The following KCNQ5 variants were observed in gnomAD, a reference collection of about 807,000 sequenced individuals.
KCNQ5 encodes the protein potassium voltage-gated channel subfamily Q member 5.
KCNQ5 carries 30 observed loss-of-function variants against 98.2 expected under a neutral mutation model. The observed-to-expected ratio is 0.31, with a 90% CI of 0.23 to 0.41. The LOEUF (loss-of-function observed/expected upper bound fraction) is 0.41. KCNQ5 is among the 10% of genes least tolerant of loss of function. The probability of loss-of-function intolerance (pLI) is 1.00; values close to 1 mark genes in which losing one functional copy is unlikely to be tolerated. For synonymous variants in KCNQ5, 458 were observed against 449.4 expected (o/e 1.02, Z -0.24); for missense variants, 835 against 1,182.5 (o/e 0.71, Z 4.31).
chr6:72,697,001 T>C (rs13207968), intron 1 of KCNQ5, among the ~76,000 whole-genome samples: 1 of 152,204 alleles, frequency 6.6e-6, no homozygotes, highest in Non-Finnish European at 1.5e-5. Context: ...TTATTTGAGG[T>C]CAATCGCGGT....
intron 1 of KCNQ5, among the ~76,000 whole-genome samples, chr6:72,919,795 G>C (rs759774651): frequency 1.3e-5 from 2 of 152,182 alleles, no homozygotes; most frequent in Admixed American, 1.3e-4. Context: ...TTTGGTTATA[G>C]ACCAATCATG....
chr6:72,671,290 G>A (rs1767090879), intron 1 of KCNQ5, among the ~76,000 whole-genome samples: 2 of 152,132 alleles, frequency 1.3e-5, no homozygotes, highest in Non-Finnish European at 2.9e-5. Context: ...AAAGGAATAG[G>A]GATACTGATG....
chr6:73,086,556 C>G (rs1773996520), intron 5 of KCNQ5, among the ~76,000 whole-genome samples: 1 of 152,146 alleles, frequency 6.6e-6, no homozygotes. Context: ...GGAGTTCTTG[C>G]CCTCTACATC....
At chr6:73,142,573 G>A (rs913397368) in intron 10 of KCNQ5, among the ~76,000 whole-genome samples, 5 of 151,700 alleles carry the variant, frequency 3.3e-5, no homozygotes, top group South Asian at 2.1e-4. Flanking sequence ...ACTCTCAAAA[G>A]GAATATTAAC....
intron 10 of KCNQ5, among the ~76,000 whole-genome samples, chr6:73,165,433 T>A (rs888129933): frequency 6.6e-6 from 1 of 152,200 alleles, no homozygotes; most frequent in Non-Finnish European, 1.5e-5. Context: ...CCACCTGACC[T>A]TTCCACATCC....
intron 1 of KCNQ5, among the ~76,000 whole-genome samples, chr6:72,920,854 C>G (rs1780359741): frequency 6.6e-6 from 1 of 152,180 alleles, no homozygotes; most frequent in Non-Finnish European, 1.5e-5. Context: ...CAGCACCTAT[C>G]TGGCTTCAAT....
At chr6:72,659,925 C>T (rs1244577178) in intron 1 of KCNQ5, among the ~76,000 whole-genome samples, 1 of 152,204 alleles carries the variant, frequency 6.6e-6, no homozygotes, top group African/African-American at 2.4e-5. Context: ...ATCTCTATAG[C>T]TGTTCCACTT....
intron 2 of KCNQ5, among the ~76,000 whole-genome samples, chr6:73,008,532 T>C (rs1351241370): frequency 6.6e-6 from 1 of 152,086 alleles, no homozygotes; most frequent in African/African-American, 2.4e-5. Flanking sequence ...CATTATATAT[T>C]AATAAAAGGT....
Position 73,197,612 on chromosome 6 carries a change from CACACACACACACACACACACACA to C in KCNQ5, c.*2199_*2221del, listed in dbSNP as rs1562231934. 3 of 150,688 alleles carry C rather than the reference CACACACACACACACACACACACA, an allele frequency of 2.0e-5. No homozygotes were observed. The highest frequency in any genetic ancestry group is 3.2e-3 in the Middle Eastern group (1 of 312). 9.3% of individuals were successfully genotyped at this position (150,688 alleles called of 1,614,324 possible). A position where few individuals can be genotyped will look rare whatever the true frequency, so the allele number is the denominator to read the frequency against. ...ACACACACACACACACACACACACA[CACACACACACACACACACACACA>C]CACACACCCCTCCACTGACCTAAAG... On this transcript the variant is annotated 3_prime_UTR_variant, in exon 14 of 14. Transcript: ENST00000370398.
At chr6:72,662,922 G>A (rs1395526610) in intron 1 of KCNQ5, among the ~76,000 whole-genome samples, 1 of 152,156 alleles carries the variant, frequency 6.6e-6, no homozygotes, top group African/African-American at 2.4e-5. Flanking sequence ...ATCAGTGAGT[G>A]TATGTTGCTC....
intron 1 of KCNQ5, among the ~76,000 whole-genome samples, chr6:72,623,185 T>C (rs1246712131): frequency 6.6e-6 from 1 of 152,056 alleles, no homozygotes; most frequent in East Asian, 1.9e-4. Flanking sequence ...ATGTAGCCCT[T>C]CCTGCCACGG....
At chr6:72,788,698 G>C (rs1156892056) in intron 1 of KCNQ5, among the ~76,000 whole-genome samples, 2 of 152,006 alleles carry the variant, frequency 1.3e-5, no homozygotes. Context: ...TTGATGCCAT[G>C]GTACTAATAA....
At chr6:73,194,175 A>G (rs947644186) in intron 13 of KCNQ5, among the ~76,000 whole-genome samples, 7 of 152,156 alleles carry the variant, frequency 4.6e-5, no homozygotes, top group African/African-American at 1.4e-4. Context: ...TATAGTGCTT[A>G]TATGACTTTT....
intron 1 of KCNQ5, among the ~76,000 whole-genome samples, chr6:72,884,682 T>A (rs1344527607): frequency 1.3e-5 from 2 of 152,028 alleles, no homozygotes; most frequent in Non-Finnish European, 2.9e-5. Context: ...GGTGAGACAA[T>A]CTTGGCTCAC....
intron 1 of KCNQ5, among the ~76,000 whole-genome samples, chr6:72,690,647 C>A (rs968288541): frequency 1.1e-4 from 16 of 151,784 alleles, no homozygotes; most frequent in Non-Finnish European, 2.2e-4. Context: ...CTGCTGTCAA[C>A]ATCTGTTCCC....
intron 10 of KCNQ5, among the ~76,000 whole-genome samples, chr6:73,165,986 T>G (rs1777780362): frequency 6.6e-6 from 1 of 151,502 alleles, no homozygotes; most frequent in South Asian, 2.1e-4. Context: ...AATCTGGAAG[T>G]GGTCAGAGGT....
intron 1 of KCNQ5, among the ~76,000 whole-genome samples, chr6:72,871,520 T>C (rs1778205671): frequency 6.6e-6 from 1 of 152,222 alleles, no homozygotes; most frequent in African/African-American, 2.4e-5. Flanking sequence ...AAGAAATAGC[T>C]ACTCACTAAA....
At chr6:72,800,890 A>T (rs1025610404) in intron 1 of KCNQ5, among the ~76,000 whole-genome samples, 24 of 152,094 alleles carry the variant, frequency 1.6e-4, no homozygotes, top group African/African-American at 5.3e-4. Context: ...TGTACCCAGT[A>T]GTCATTCAGG....
intron 1 of KCNQ5, among the ~76,000 whole-genome samples, chr6:72,740,004 G>C (rs1771047677): frequency 6.6e-6 from 1 of 152,060 alleles, no homozygotes; most frequent in African/African-American, 2.4e-5. Flanking sequence ...GACTTACTTG[G>C]ATTATCTGCT....
Sources: allele counts gnomAD v4.1 joint callset (sites outside exome capture counted in the v4.1 genomes callset), GRCh38; gene constraint gnomAD v4.1.1; transcripts MANE v1.5; gene names NCBI Gene and HGNC (gene_info 2026-07-23, HGNC 2026-07-21).